Variants in IL12RB1 observed in about 807,000 individuals in gnomAD.
IL12RB1 encodes the protein interleukin 12 receptor subunit beta 1.
IL12RB1 carries 64 observed loss-of-function variants against 94.4 expected under a neutral mutation model. That is an observed-to-expected ratio of 0.68 (90% CI 0.55 to 0.83). The LOEUF (loss-of-function observed/expected upper bound fraction) is 0.83. Ranked by LOEUF, IL12RB1 falls within the 40% of genes least tolerant of loss-of-function variation. The probability of loss-of-function intolerance (pLI) is 0.00; values close to 1 mark genes in which losing one functional copy is unlikely to be tolerated. For missense variants in IL12RB1, 814 were observed against 855.6 expected, an observed-to-expected ratio of 0.95 and a Z score of 0.61; for synonymous variants, 362 against 355.5, an observed-to-expected ratio of 1.02 and a Z score of -0.21.
upstream of IL12RB1, among the ~76,000 whole-genome samples, chr19:18,091,110 T>A (rs2146561433): frequency 6.6e-6 from 1 of 152,098 alleles, no homozygotes; most frequent in East Asian, 1.9e-4. Context: ...ATGGCAGGTG[T>A]GTGAGCTGGA....
intron 1 of IL12RB1, among the ~76,000 whole-genome samples, chr19:18,092,173 C>G (rs890014036): frequency 3.4e-5 from 5 of 148,412 alleles, no homozygotes; most frequent in Non-Finnish European, 7.4e-5. Flanking sequence ...CACCGCCCCT[C>G]GACCATCCAG....
At chr19:18,089,541 C>T (rs1396545035), upstream of IL12RB1, among the ~76,000 whole-genome samples, 6 of 151,030 alleles carry the variant, frequency 4.0e-5, no homozygotes, top group Middle Eastern at 3.2e-3. Flanking sequence ...AGGAGAATCG[C>T]TTGAACCCGG....
At chr19:18,060,149 G>T in intron 15 of IL12RB1, 64 bp from the exon 16 acceptor site, 1 of 882,146 alleles carries the variant, frequency 1.1e-6, no homozygotes, top group Non-Finnish European at 1.8e-6. Context: ...CAGCAGGATG[G>T]AACGGACCAG....
intron 3 of IL12RB1, among the ~76,000 whole-genome samples, chr19:18,081,921 A>T (rs1310906710): frequency 6.6e-6 from 1 of 152,016 alleles, no homozygotes; most frequent in Non-Finnish European, 1.5e-5. Context: ...GGTGAAGAAG[A>T]AAAAAGGACT....
At chr19:18,074,790 G>A (rs1440776839) in intron 7 of IL12RB1, among the ~76,000 whole-genome samples, 2 of 151,282 alleles carry the variant, frequency 1.3e-5, no homozygotes, top group East Asian at 2.0e-4. Flanking sequence ...GGTGGCTCAC[G>A]CCTGTAATCC....
intron 1 of IL12RB1, among the ~76,000 whole-genome samples, chr19:18,093,421 CCAGT>C (rs758660725): frequency 7.9e-5 from 12 of 151,606 alleles, no homozygotes; most frequent in South Asian, 2.1e-4. Flanking sequence ...TTCAGTCAGT[CCAGT>C]CAGTCACTCA....
chr19:18,082,037 G>C, intron 3 of IL12RB1, 113 bp downstream of exon 3: 1 of 722,772 alleles, frequency 1.4e-6, no homozygotes, highest in Non-Finnish European at 2.5e-6. Flanking sequence ...TGAAGCCCAG[G>C]AAGGAGTGTT....
Position 18,059,284 on chromosome 19 carries a change from T to C in IL12RB1, c.*324A>G, listed in dbSNP as rs990776582. The C allele has an allele frequency of 1.3e-5, 6 of 473,368 alleles. No homozygotes were observed. Among genetic ancestry groups the C allele is most frequent in the Non-Finnish European group, 2.3e-5 (6 of 257,224 alleles). 29.3% of individuals were successfully genotyped at this position (473,368 alleles called of 1,614,324 possible). A position where few individuals can be genotyped will look rare whatever the true frequency, so the allele number is the denominator to read the frequency against. On this transcript the variant is annotated 3_prime_UTR_variant, in exon 17 of 17. Coordinates refer to ENST00000593993, the MANE Select transcript of IL12RB1 (RefSeq NM_005535.3). ...TGAGTCCAGACTCCCCATCCAGTGC[T>C]CCTGGGGGTGGATGCCCAGCCCAGG...
In IL12RB1 at chr19:18,059,459, C is replaced by A; in HGVS notation, c.*149G>T. 1 of 701,898 alleles carries A rather than the reference C, an allele frequency of 1.4e-6. No individual in the cohort carries two copies. Among genetic ancestry groups the A allele is most frequent in the Non-Finnish European group, 2.7e-6 (1 of 377,214 alleles). The allele number at this position is 701,898 out of a possible 1,614,324, so 43.5% of individuals were successfully genotyped here. ...TTTCATGGCAGCATCTAGGGTTCCC[C>A]CGCAGGATGGGTGGCAACAGGCACG... is the stretch of plus-strand genomic sequence containing the variant. On this transcript the variant is annotated 3_prime_UTR_variant, in exon 17 of 17. Transcript: ENST00000593993.
At chr19:18,087,957 C>A (rs1319911114), upstream of IL12RB1, among the ~76,000 whole-genome samples, 1 of 152,172 alleles carries the variant, frequency 6.6e-6, no homozygotes, top group African/African-American at 2.4e-5. Flanking sequence ...CACCTCCCCA[C>A]ATGCCAAGCT....
At position 18,060,067 on chromosome 19, in the gene IL12RB1, G is replaced by T. The variant is rs1477984922; in HGVS notation, c.1810C>A (p.Pro604Thr). 1 of 1,600,752 alleles carries T rather than the reference G, an allele frequency of 6.2e-7. No homozygotes were observed. Among genetic ancestry groups the T allele is most frequent in the Non-Finnish European group, 8.6e-7 (1 of 1,169,384 alleles). Residue 604 changes from proline (P) to threonine (T), a missense_variant, in exon 16 of 17, where the codon CCA becomes ACA. Transcript: ENST00000593993. ...GATGCCTCTTCCTGGAAGTCCACTGGGTTGATCCACTGCCAAGTCTGCAGA... is the reference window on the plus strand; with the variant it reads ...GATGCCTCTTCCTGGAAGTCCACTGTGTTGATCCACTGCCAAGTCTGCAGA... ...GGKETWQWINPVDFQEEASLQ... is the reference protein window; with the variant it reads ...GGKETWQWINTVDFQEEASLQ...
chr19:18,092,928 C>T (rs764090218), intron 1 of IL12RB1, among the ~76,000 whole-genome samples: 1 of 152,146 alleles, frequency 6.6e-6, no homozygotes, highest in Admixed American at 6.6e-5. Context: ...CATAGAAGCT[C>T]ACAAGAATAA....
rs1470879267 is a variant in IL12RB1 at position 18,077,572 on chromosome 19, G to A, written c.493C>T (p.Gln165Ter). 1 of 1,609,694 alleles carries A rather than the reference G, an allele frequency of 6.2e-7. No individual in the cohort carries two copies. The highest frequency in any genetic ancestry group is 1.3e-5 in the African/African-American group (1 of 74,798). Residue 165 changes from glutamine (Q) to a stop codon, truncating the protein, a stop_gained, in exon 5 of 17, where the codon CAG becomes TAG. Transcript: ENST00000593993. LOFTEE classifies it high-confidence loss of function. ...LRMEWETPDN[Q>*]VGAEVQFRHR... ...CGGAACTGCACCTCAGCACCAACCT[G>A]GTTATCCGGGGTCTCCCACTCCATA...
At chr19:18,093,496 T>G (rs1301326774) in intron 1 of IL12RB1, among the ~76,000 whole-genome samples, 2 of 152,048 alleles carry the variant, frequency 1.3e-5, no homozygotes, top group Non-Finnish European at 2.9e-5. Context: ...GTAGGAATTC[T>G]CCAGATGGAG....
rs1319420006 is a variant in IL12RB1 at position 18,080,820 on chromosome 19, C to T, written c.409+12G>A. 1.3e-6 allele frequency: 2 copies of T among 1,586,114 alleles called. No homozygotes were observed. Among genetic ancestry groups the T allele is most frequent in the Non-Finnish European group, 1.7e-6 (2 of 1,154,446 alleles). ...GGGTAAAAAACGGACGGGGGGAGAA[C>T]AAGGTGCTAACCTGAGTTGTAGAGC... On this transcript the variant is annotated intron_variant, in intron 4 of 16. Coordinates refer to ENST00000593993, the MANE Select transcript of IL12RB1 (RefSeq NM_005535.3).
At chr19:18,091,533 C>T (rs188208488), upstream of IL12RB1, 14 of 152,312 alleles carry the variant, frequency 9.2e-5, no homozygotes, top group Admixed American at 3.9e-4. Flanking sequence ...ACCCTAACGT[C>T]GCTGAGGATC....
At chr19:18,084,010 CCCAT>C (rs55727878) in intron 1 of IL12RB1, among the ~76,000 whole-genome samples, 2,092 of 139,912 alleles carry the variant, frequency 0.015, 43 homozygotes, top group African/African-American at 0.044. Flanking sequence ...CACCCATCTA[CCCAT>C]CCATCCATCC....
chr19:18,098,434 G>T (rs1441441375), intron 1 of IL12RB1, among the ~76,000 whole-genome samples: 1 of 152,112 alleles, frequency 6.6e-6, no homozygotes, highest in East Asian at 1.9e-4. Context: ...GTGTGACCTG[G>T]GGGGAGGGCA....
intron 3 of IL12RB1, among the ~76,000 whole-genome samples, 185 bp from the exon 4 acceptor site, chr19:18,081,186 C>G (rs911226721): frequency 1.3e-5 from 2 of 152,056 alleles, no homozygotes; most frequent in African/African-American, 4.8e-5. Flanking sequence ...ACCTCCACCT[C>G]CCTGGTTCAA....
Sources: allele counts gnomAD v4.1 joint callset (sites outside exome capture counted in the v4.1 genomes callset), GRCh38; gene constraint gnomAD v4.1.1; transcripts MANE v1.5; gene names NCBI Gene and HGNC (gene_info 2026-07-23, HGNC 2026-07-21).